The following SMIM45 variants were observed in gnomAD, a reference collection of about 807,000 sequenced individuals.
SMIM45 encodes long intergenic non-protein coding RNA 634.
chr22:41,953,709 C>G, the SMIM45 span, among the ~76,000 whole-genome samples: 1 of 150,342 alleles, frequency 6.7e-6, no homozygotes, highest in Admixed American at 6.6e-5. Flanking sequence ...TCATCCTGTC[C>G]CTGGAGGAGA....
chr22:41,958,591 G>A, the SMIM45 span: 2 of 351,770 alleles, frequency 5.7e-6, no homozygotes, highest in Non-Finnish European at 1.1e-5. Context: ...GGCAGGAGGT[G>A]GTGGAAACGG....
chr22:41,947,104 T>C, the SMIM45 span: 2 of 1,610,626 alleles, frequency 1.2e-6, no homozygotes, highest in Admixed American at 1.7e-5. Flanking sequence ...CCGTTGCTCC[T>C]GCGGTGCGCG....
the SMIM45 span, among the ~76,000 whole-genome samples, chr22:41,951,648 C>T: frequency 6.6e-6 from 1 of 152,188 alleles, no homozygotes; most frequent in African/African-American, 2.4e-5. Context: ...TACTTTCTTG[C>T]TGTGTGACCA....
the SMIM45 span, among the ~76,000 whole-genome samples, chr22:41,955,832 G>C: frequency 6.8e-6 from 1 of 146,430 alleles, no homozygotes; most frequent in Non-Finnish European, 1.5e-5. Flanking sequence ...AAAATTCAAA[G>C]TACCCTTAGG....
At chr22:41,953,961 A>G in the SMIM45 span, among the ~76,000 whole-genome samples, 1 of 149,098 alleles carries the variant, frequency 6.7e-6, no homozygotes, top group African/African-American at 2.5e-5. Flanking sequence ...CGTGTTAGCC[A>G]GGATGGTCTT....
At chr22:41,954,224 TGAGA>T in the SMIM45 span, among the ~76,000 whole-genome samples, 1 of 133,750 alleles carries the variant, frequency 7.5e-6, no homozygotes. Context: ...TTTTTTTTTT[TGAGA>T]TGGAGTCTTG....
chr22:41,948,293 G>A, the SMIM45 span, among the ~76,000 whole-genome samples: 35,440 of 152,026 alleles, frequency 0.23, 4,529 homozygotes, highest in African/African-American at 0.31. Flanking sequence ...ATTCTCAGCA[G>A]TCATTCATTC....
chr22:41,947,152 C>T, the SMIM45 span: 12 of 1,479,302 alleles, frequency 8.1e-6, no homozygotes, highest in Non-Finnish European at 1.0e-5. Context: ...GCCCCTAGAG[C>T]GCGGCCTGGG....
chr22:41,956,942 G>A, the SMIM45 span, among the ~76,000 whole-genome samples: 1 of 152,130 alleles, frequency 6.6e-6, no homozygotes, highest in Non-Finnish European at 1.5e-5. Flanking sequence ...CATCATGCCC[G>A]GCTAATTTTT....
At chr22:41,953,990 C>CAA in the SMIM45 span, among the ~76,000 whole-genome samples, 7,287 of 126,488 alleles carry the variant, frequency 0.058, 606 homozygotes, top group African/African-American at 0.19. Context: ...GATCAAGTCT[C>CAA]AAAAAAAAAA....
At chr22:41,956,891 C>T in the SMIM45 span, among the ~76,000 whole-genome samples, 1 of 152,088 alleles carries the variant, frequency 6.6e-6, no homozygotes, top group Non-Finnish European at 1.5e-5. Flanking sequence ...CAGGTTCAAA[C>T]GATTCTCCTG....
chr22:41,946,992 C>G, the SMIM45 span: 7 of 1,610,926 alleles, frequency 4.3e-6, 1 homozygote, highest in South Asian at 6.6e-5. Context: ...GAAAAACCGG[C>G]GGGGGAAGCA....
the SMIM45 span, chr22:41,958,308 G>T: frequency 2.2e-6 from 1 of 456,588 alleles, no homozygotes; most frequent in African/African-American, 2.0e-5. Context: ...CACCGGCCCT[G>T]CAACTTTAGG....
the SMIM45 span, chr22:41,946,989 C>G: frequency 6.2e-7 from 1 of 1,610,476 alleles, no homozygotes; most frequent in African/African-American, 1.3e-5. Context: ...GAGGAAAAAC[C>G]GGCGGGGGAA....
At chr22:41,952,415 G>C in the SMIM45 span, 1 of 152,514 alleles carries the variant, frequency 6.6e-6, no homozygotes, top group East Asian at 1.9e-4. Flanking sequence ...CATCTGCAGG[G>C]CGTGAGGTGG....
the SMIM45 span, chr22:41,947,248 G>C: frequency 1.6e-6 from 1 of 613,650 alleles, no homozygotes; most frequent in Middle Eastern, 3.8e-4. Flanking sequence ...TTTCTGAGGG[G>C]CGTTCCAGCG....
the SMIM45 span, chr22:41,947,119 T>C: frequency 6.2e-7 from 1 of 1,600,914 alleles, no homozygotes; most frequent in Non-Finnish European, 8.5e-7. Flanking sequence ...TGCGCGCCGA[T>C]CTTTCAAACC....
chr22:41,955,805 CAAAAAA>C, the SMIM45 span, among the ~76,000 whole-genome samples: 14 of 104,344 alleles, frequency 1.3e-4, no homozygotes, highest in South Asian at 4.3e-3. Flanking sequence ...GACTCCGTCT[CAAAAAA>C]AAAAAAAAAA....
the SMIM45 span, chr22:41,958,427 G>T: frequency 2.2e-6 from 1 of 456,328 alleles, no homozygotes; most frequent in South Asian, 1.5e-5. Context: ...ACTGGTGAGG[G>T]TGTGTGGTGG....
Sources: gnomAD v4.1 joint callset for allele counts (sites outside exome capture counted in the v4.1 genomes callset) on GRCh38, gnomAD v4.1.1 for gene constraint, MANE v1.5 for transcripts, NCBI Gene and HGNC (gene_info 2026-07-23, HGNC 2026-07-21) for gene names.